The following CHODL variants were observed in gnomAD, a reference collection of about 807,000 sequenced individuals.
CHODL encodes chondrolectin.
A neutral mutation model predicts 34.5 loss-of-function variants in CHODL; 29 were observed. The observed-to-expected ratio is 0.84, with a 90% confidence interval of 0.63 to 1.15. The LOEUF is 1.15. CHODL is among the 50% of genes most tolerant of loss of function. CHODL has a pLI of 0.00. For missense variants in CHODL, 332 were observed against 332.5 expected (o/e 1.00, Z 0.01); for synonymous variants, 125 against 116.1 (o/e 1.08, Z -0.49).
At chr21:18,212,278 C>T (rs1337655820) in intron 2 of CHODL, among the ~76,000 whole-genome samples, 1 of 152,092 alleles carries the variant, frequency 6.6e-6, no homozygotes, top group Admixed American at 6.6e-5. Context: ...TCTGAAGCCA[C>T]CATAATTGCT....
intron 1 of CHODL, among the ~76,000 whole-genome samples, chr21:17,991,037 A>G (rs1368805311): frequency 6.6e-6 from 1 of 152,090 alleles, no homozygotes; most frequent in Non-Finnish European, 1.5e-5. Flanking sequence ...TTAAGCTCCC[A>G]TCTGTGAGTG....
At chr21:17,938,493 T>TTTTTTTTTTGAG (rs1568806953) in intron 1 of CHODL, among the ~76,000 whole-genome samples, 2 of 54,032 alleles carry the variant, frequency 3.7e-5, no homozygotes, top group African/African-American at 8.1e-5. Context: ...TTTTTTTTTT[T>TTTTTTTTTTGAG]AAGGAAAGGG....
intron 1 of CHODL, among the ~76,000 whole-genome samples, chr21:17,986,045 T>C (rs1425682191): frequency 6.6e-6 from 1 of 152,118 alleles, no homozygotes; most frequent in Non-Finnish European, 1.5e-5. Context: ...TACCATCACA[T>C]TGGAGGTTAG....
At position 18,176,309 on chromosome 21, in the gene CHODL, C is replaced by A. The variant is rs75851034; in HGVS notation, c.-44-80200C>A. On this transcript the variant is annotated intron_variant, in intron 2 of 6. Coordinates refer to the CHODL transcript ENST00000400127. ...TCCATTATTAGGGATACAGTTAAGA[C>A]CTTCATGTAGTCTGTTAGTTATATC... 7.9e-3 allele frequency among the ~76,000 whole-genome samples: 1,197 copies of A among 152,240 alleles called. 10 individuals are homozygous for A. Among genetic ancestry groups the A allele is most frequent in the African/African-American group, 0.028 (1,151 of 41,556 alleles).
At chr21:17,963,730 T>C (rs2063550619) in intron 1 of CHODL, among the ~76,000 whole-genome samples, 1 of 152,180 alleles carries the variant, frequency 6.6e-6, no homozygotes. Context: ...AACAACCTTT[T>C]TTTTTTTCTG....
chr21:18,251,050 A>T (rs940777687), intron 1 of CHODL, among the ~76,000 whole-genome samples: 3 of 151,638 alleles, frequency 2.0e-5, no homozygotes, highest in African/African-American at 7.2e-5. Flanking sequence ...AAAATAAACA[A>T]ATATAAGCAA....
intron 2 of CHODL, among the ~76,000 whole-genome samples, chr21:18,077,640 A>C (rs2146508348): frequency 6.6e-6 from 1 of 152,326 alleles, no homozygotes; most frequent in Non-Finnish European, 1.5e-5. Context: ...TAGAGACTCC[A>C]GAGAGCTCCT....
chr21:18,185,957 G>A (rs183210068), intron 2 of CHODL, among the ~76,000 whole-genome samples: 8 of 152,116 alleles, frequency 5.3e-5, no homozygotes, highest in East Asian at 3.9e-4. Flanking sequence ...TAATACCATC[G>A]CCTTAGTGAT....
intron 1 of CHODL, chr21:18,024,648 G>A (rs1254513051): frequency 2.0e-5 from 3 of 152,164 alleles, no homozygotes; most frequent in African/African-American, 7.2e-5. Context: ...AGGGTAAAGA[G>A]TAGTGGCCAA....
At chr21:18,060,321 G>A in intron 2 of CHODL, among the ~76,000 whole-genome samples, 1 of 151,996 alleles carries the variant, frequency 6.6e-6, no homozygotes, top group East Asian at 1.9e-4. Flanking sequence ...CTAGCATGGT[G>A]GTGCACGTCT....
At chr21:18,249,409 T>C (rs573785965) in intron 1 of CHODL, among the ~76,000 whole-genome samples, 68 of 151,980 alleles carry the variant, frequency 4.5e-4, no homozygotes, top group African/African-American at 1.5e-3. Flanking sequence ...AAAGACTAGA[T>C]AAAAATTTAT....
chr21:18,061,834 G>T (rs1042127383), intron 2 of CHODL, among the ~76,000 whole-genome samples: 1 of 152,094 alleles, frequency 6.6e-6, no homozygotes, highest in Non-Finnish European at 1.5e-5. Context: ...ACACAACTTG[G>T]GATAAAGGTG....
intron 1 of CHODL, among the ~76,000 whole-genome samples, chr21:18,001,319 A>G (rs1422282952): frequency 6.6e-6 from 1 of 152,252 alleles, no homozygotes; most frequent in Non-Finnish European, 1.5e-5. Context: ...ATTTCAGGGA[A>G]TTTTGAAAAC....
At chr21:18,200,995 T>C (rs370349611) in intron 2 of CHODL, among the ~76,000 whole-genome samples, 1 of 152,226 alleles carries the variant, frequency 6.6e-6, no homozygotes, top group African/African-American at 2.4e-5. Flanking sequence ...AACTCCTTGA[T>C]TGCAGACTTC....
intron 2 of CHODL, among the ~76,000 whole-genome samples, chr21:18,156,898 C>T (rs1161033600): frequency 6.6e-6 from 1 of 152,196 alleles, no homozygotes; most frequent in Non-Finnish European, 1.5e-5. Context: ...TGTTCACTCT[C>T]ATGTTGATCC....
intron 2 of CHODL, among the ~76,000 whole-genome samples, chr21:18,028,230 C>CTCCCCT (rs1253047253): frequency 8.6e-6 from 1 of 116,682 alleles, no homozygotes; most frequent in East Asian, 2.5e-4. Context: ...CTCCCCTCCC[C>CTCCCCT]TCCCCTTCCC....
At chr21:18,061,885 A>C (rs1600952735) in intron 2 of CHODL, among the ~76,000 whole-genome samples, 1 of 152,208 alleles carries the variant, frequency 6.6e-6, no homozygotes, top group African/African-American at 2.4e-5. Context: ...TAAGTGAGTT[A>C]TCTGAAACAA....
chr21:18,128,403 C>T (rs1483378877), intron 2 of CHODL, among the ~76,000 whole-genome samples: 1 of 147,190 alleles, frequency 6.8e-6, no homozygotes, highest in East Asian at 2.0e-4. Flanking sequence ...ATTTCCACAG[C>T]TCAACACTAT....
Position 18,094,637 on chromosome 21 carries a change from G to A in CHODL, c.-45+66666G>A, listed in dbSNP as rs767925283. On this transcript the variant is annotated intron_variant, in intron 2 of 6. Coordinates refer to the CHODL transcript ENST00000400127. ...CAATGAATAAATTAAGAAGGAAATC[G>A]AAAACTTTCTGGTAACAAATTATAA... 8.7e-5 allele frequency among the ~76,000 whole-genome samples: 13 copies of A among 149,350 alleles called. No homozygotes were observed. The South Asian group carries it at 1.1e-3, about 12-fold the overall frequency.
Sources: allele counts gnomAD v4.1 joint callset (sites outside exome capture counted in the v4.1 genomes callset), GRCh38; gene constraint gnomAD v4.1.1; transcripts MANE v1.5; gene names NCBI Gene and HGNC (gene_info 2026-07-23, HGNC 2026-07-21).